The following SBF2 variants were observed in gnomAD, a reference collection of about 807,000 sequenced individuals.
SBF2 encodes SET binding factor 2.
In SBF2, 112 loss-of-function variants were observed where a neutral mutation model predicts 225.2. The ratio of observed to expected loss-of-function variants is 0.50; its 90% CI spans 0.43 to 0.58. The LOEUF (loss-of-function observed/expected upper bound fraction) is 0.58. SBF2 is among the 20% of genes least tolerant of loss of function. The probability of loss-of-function intolerance (pLI) is 0.00; values close to 1 mark genes in which losing one functional copy is unlikely to be tolerated. For missense variants in SBF2, 1,996 were observed against 2,206.2 expected, an observed-to-expected ratio of 0.90 and a Z score of 1.91; for synonymous variants, 763 against 773.3, an observed-to-expected ratio of 0.99 and a Z score of 0.22.
chr11:10,277,138 A>AG (rs1442798535), intron 1 of SBF2, among the ~76,000 whole-genome samples: 22 of 149,156 alleles, frequency 1.5e-4, no homozygotes, highest in African/African-American at 5.2e-4. Context: ...ATCTCAAAAA[A>AG]AAAAAAAAAA....
chr11:10,156,570 G>C (rs74443055), intron 2 of SBF2, among the ~76,000 whole-genome samples: 2 of 152,176 alleles, frequency 1.3e-5, no homozygotes, highest in African/African-American at 4.8e-5. Flanking sequence ...ATTGATGGCT[G>C]TTCAGCCAGC....
At chr11:10,288,631 T>C (rs1455189531) in intron 1 of SBF2, among the ~76,000 whole-genome samples, 1 of 152,044 alleles carries the variant, frequency 6.6e-6, no homozygotes, top group African/African-American at 2.4e-5. Context: ...AGGCAGATTG[T>C]CCCATCATCT....
At chr11:9,856,422 A>G in intron 19 of SBF2, 36 bp downstream of exon 19, 2 of 1,612,488 alleles carry the variant, frequency 1.2e-6, no homozygotes, top group Non-Finnish European at 1.7e-6. Flanking sequence ...CCCCAAGAAG[A>G]GTAGGAGGAG....
chr11:9,812,745 T>C lies in SBF2; in HGVS notation c.3979-37A>G, dbSNP rs376794249. 94 of 1,604,540 alleles carry C rather than the reference T, an allele frequency of 5.9e-5. No homozygotes were observed. In the African/African-American group the frequency reaches 1.1e-3, roughly 19 times the overall value. On this transcript the variant is annotated intron_variant, in intron 29 of 39. Coordinates refer to ENST00000256190, the MANE Select transcript of SBF2 (RefSeq NM_030962.4). ...GATTCAGAGAATTAGGCAGATGAAG[T>C]GCTATAGGTAAAAGAGTGATGTTTC... is the stretch of plus-strand genomic sequence containing the variant.
At chr11:9,860,506 G>C (rs1471110332) in intron 17 of SBF2, among the ~76,000 whole-genome samples, 1 of 151,812 alleles carries the variant, frequency 6.6e-6, no homozygotes, top group African/African-American at 2.4e-5. Context: ...ATGAGATGGG[G>C]TTTTTGTAGA....
At chr11:9,872,690 G>T (rs1036612129) in intron 17 of SBF2, among the ~76,000 whole-genome samples, 4 of 152,060 alleles carry the variant, frequency 2.6e-5, no homozygotes, top group Non-Finnish European at 5.9e-5. Flanking sequence ...ATACACTGCT[G>T]AAAAGAATAT....
At chr11:9,871,695 G>A (rs941426389) in intron 17 of SBF2, among the ~76,000 whole-genome samples, 1 of 152,004 alleles carries the variant, frequency 6.6e-6, no homozygotes, top group African/African-American at 2.4e-5. Flanking sequence ...GTTTCACCGT[G>A]TTAGCCAGGA....
At chr11:9,914,544 C>T (rs933561626) in intron 16 of SBF2, among the ~76,000 whole-genome samples, 3 of 152,104 alleles carry the variant, frequency 2.0e-5, no homozygotes, top group Non-Finnish European at 2.9e-5. Context: ...TATGTCAAAA[C>T]GGACCAGATA....
At chr11:10,169,570 G>A (rs577274825) in intron 2 of SBF2, among the ~76,000 whole-genome samples, 4 of 152,184 alleles carry the variant, frequency 2.6e-5, no homozygotes, top group South Asian at 2.1e-4. Context: ...TTCTTTATCC[G>A]TTTGTCTGTT....
At chr11:9,882,817 A>AC (rs1284688112) in intron 17 of SBF2, among the ~76,000 whole-genome samples, 1 of 150,960 alleles carries the variant, frequency 6.6e-6, no homozygotes, top group Non-Finnish European at 1.5e-5. Context: ...AAAAAAAAAA[A>AC]AAACCACCAA....
At chr11:10,239,747 G>T (rs896666829) in intron 1 of SBF2, among the ~76,000 whole-genome samples, 4,972 of 146,036 alleles carry the variant, frequency 0.034, 193 homozygotes, top group South Asian at 0.079. Flanking sequence ...AAGAGAAAAC[G>T]CAAAATGCAC....
chr11:9,809,347 A>C (rs1590133418), intron 30 of SBF2: 1 of 257,476 alleles, frequency 3.9e-6, no homozygotes, highest in East Asian at 9.5e-5. Context: ...GACACATTTT[A>C]AAACAATACA....
intron 2 of SBF2, among the ~76,000 whole-genome samples, chr11:10,060,120 C>G (rs1300006054): frequency 6.6e-6 from 1 of 151,846 alleles, no homozygotes; most frequent in Non-Finnish European, 1.5e-5. Context: ...ATTAATAAAA[C>G]AGGCCAATAG....
At chr11:9,787,190 G>T (rs911350310) in intron 36 of SBF2, among the ~76,000 whole-genome samples, 1 of 152,166 alleles carries the variant, frequency 6.6e-6, no homozygotes, top group Admixed American at 6.5e-5. Context: ...CACCGCACCC[G>T]GCCGTTAAAA....
chr11:10,085,681 C>A (rs1407767022), intron 2 of SBF2, among the ~76,000 whole-genome samples: 2 of 151,984 alleles, frequency 1.3e-5, no homozygotes, highest in Non-Finnish European at 2.9e-5. Flanking sequence ...GACTTTTCTT[C>A]TGGCTGTAAT....
At chr11:9,989,233 A>C (rs991521653) in intron 13 of SBF2, among the ~76,000 whole-genome samples, 1 of 152,134 alleles carries the variant, frequency 6.6e-6, no homozygotes, top group Admixed American at 6.5e-5. Flanking sequence ...GATACGTGGG[A>C]GCTAAGCTAT....
intron 1 of SBF2, among the ~76,000 whole-genome samples, chr11:10,282,833 CTCACCATCTATAGAGTCAAG>C (rs2135564200): frequency 2.5e-5 from 1 of 40,768 alleles, no homozygotes; most frequent in African/African-American, 6.8e-5. Context: ...AGAGTCAAGG[CTCACCATCTATAGAGTCAAG>C]GCTAAATTCT....
Position 10,002,698 on chromosome 11 carries a change from A to C in SBF2, c.620-9T>G. On this transcript the variant is annotated splice_polypyrimidine_tract_variant and intron_variant, in intron 6 of 39. Transcript: ENST00000256190. ...GAGGACATTTTGAATTCCTGAAAACATAAGAGCAAGGACTTACAAATGCAT... is the reference window on the plus strand; with the variant it reads ...GAGGACATTTTGAATTCCTGAAAACCTAAGAGCAAGGACTTACAAATGCAT... The C allele has an allele frequency of 6.2e-7, 1 of 1,612,404 alleles. No individual in the cohort carries two copies. The highest frequency in any genetic ancestry group is 8.5e-7 in the Non-Finnish European group (1 of 1,178,482).
chr11:10,044,855 A>C (rs1949792198), intron 2 of SBF2, among the ~76,000 whole-genome samples: 1 of 152,194 alleles, frequency 6.6e-6, no homozygotes, highest in African/African-American at 2.4e-5. Flanking sequence ...ATCGTGGCTG[A>C]TGCAGGGAGC....
Sources: gnomAD v4.1 joint callset for allele counts (sites outside exome capture counted in the v4.1 genomes callset) on GRCh38, gnomAD v4.1.1 for gene constraint, MANE v1.5 for transcripts, NCBI Gene and HGNC (gene_info 2026-07-23, HGNC 2026-07-21) for gene names.